GABBR2: variants seen among roughly 807,000 people sequenced by gnomAD.
GABBR2 encodes the protein G-protein coupled receptor 51.
A neutral mutation model predicts 105.6 loss-of-function variants in GABBR2; 23 were observed. That is an observed-to-expected ratio of 0.22 (90% CI 0.16 to 0.31). The LOEUF (loss-of-function observed/expected upper bound fraction) is 0.31. GABBR2 is among the 10% of genes least tolerant of loss of function. The pLI is 1.00. For missense variants in GABBR2, 734 were observed against 1,245.5 expected (o/e 0.59, Z 6.18); for synonymous variants, 478 against 499.7 (o/e 0.96, Z 0.58).
chr9:98,307,353 G>C (rs1221864549), intron 14 of GABBR2, among the ~76,000 whole-genome samples: 1 of 152,140 alleles, frequency 6.6e-6, no homozygotes, highest in African/African-American at 2.4e-5. Flanking sequence ...AGCTCAGGTG[G>C]GTGTAGGGCA....
chr9:98,678,957 T>C (rs937266817), intron 1 of GABBR2, among the ~76,000 whole-genome samples: 7 of 152,238 alleles, frequency 4.6e-5, no homozygotes, highest in African/African-American at 1.4e-4. Context: ...ATCATTTGTA[T>C]GGAAGAGGCT....
At chr9:98,568,669 C>T (rs1828783936) in intron 2 of GABBR2, among the ~76,000 whole-genome samples, 1 of 152,190 alleles carries the variant, frequency 6.6e-6, no homozygotes, top group Non-Finnish European at 1.5e-5. Context: ...CTGGCCTTTG[C>T]AGTGGCCTTC....
chr9:98,328,946 T>G (rs1010412764), intron 13 of GABBR2, among the ~76,000 whole-genome samples: 5 of 152,164 alleles, frequency 3.3e-5, no homozygotes, highest in African/African-American at 1.2e-4. Flanking sequence ...ACAAATGAGG[T>G]GACCTTGTGG....
intron 9 of GABBR2, among the ~76,000 whole-genome samples, chr9:98,389,462 C>A (rs1315964513): frequency 6.6e-6 from 1 of 152,150 alleles, no homozygotes; most frequent in East Asian, 1.9e-4. Context: ...GGACACCTTG[C>A]CTGTTGGTTC....
intron 1 of GABBR2, among the ~76,000 whole-genome samples, chr9:98,665,615 C>T (rs1830323604): frequency 1.3e-5 from 2 of 152,188 alleles, no homozygotes; most frequent in African/African-American, 4.8e-5. Flanking sequence ...CTGAATAGGA[C>T]AATCACAACA....
At chr9:98,297,043 T>C (rs937284608) in intron 17 of GABBR2, among the ~76,000 whole-genome samples, 3 of 152,188 alleles carry the variant, frequency 2.0e-5, no homozygotes, top group Non-Finnish European at 2.9e-5. Context: ...AATATTTTAT[T>C]CATTGGAATT....
At chr9:98,635,020 C>T (rs1829859094) in intron 1 of GABBR2, among the ~76,000 whole-genome samples, 1 of 152,198 alleles carries the variant, frequency 6.6e-6, no homozygotes, top group African/African-American at 2.4e-5. Context: ...GAGAGCTGGC[C>T]TGCTTTCAAC....
At chr9:98,536,509 T>G (rs897850829) in intron 3 of GABBR2, among the ~76,000 whole-genome samples, 2 of 152,026 alleles carry the variant, frequency 1.3e-5, no homozygotes, top group African/African-American at 4.8e-5. Context: ...TCTGCTGTCT[T>G]TCTAGGCATC....
At chr9:98,302,946 G>A (rs990919156) in intron 16 of GABBR2, 5 of 404,098 alleles carry the variant, frequency 1.2e-5, no homozygotes, top group African/African-American at 8.1e-5. Flanking sequence ...AGGAAGCTAT[G>A]ATAATCCAGA....
chr9:98,470,822 C>T (rs1023138810), intron 6 of GABBR2, among the ~76,000 whole-genome samples: 6 of 151,792 alleles, frequency 4.0e-5, no homozygotes, highest in African/African-American at 1.2e-4. Context: ...ATTTTAATTG[C>T]ATTAACATAT....
At chr9:98,362,967 A>C in intron 12 of GABBR2, 130 bp from the exon 13 acceptor site, 1 of 681,102 alleles carries the variant, frequency 1.5e-6, no homozygotes, top group South Asian at 3.4e-5. Context: ...GCGATTCCCC[A>C]TCACCCACAG....
rs562036194 is a variant in GABBR2, at chr9:98,308,778, C to T, written c.2004+2317G>A. On this transcript the variant is annotated intron_variant, in intron 14 of 18. Coordinates refer to ENST00000259455, the MANE Select transcript of GABBR2 (RefSeq NM_005458.8). ...ACAAGTGTCTGTCTGGATTTTGGAC[C>T]TCTGGCCTCCACAACTAGGAAAGAA... Among the ~76,000 whole-genome samples the T allele has an allele frequency of 5.9e-5, 9 of 152,332 alleles. No individual in the cohort carries two copies. The South Asian group carries it at 1.7e-3, about 28-fold the overall frequency.
chr9:98,578,087 A>C lies in GABBR2; in HGVS notation c.322-15T>G. 6.2e-7 allele frequency: 1 copy of C among 1,613,098 alleles called. No individual in the cohort carries two copies. The highest frequency in any genetic ancestry group is 8.5e-7 in the Non-Finnish European group (1 of 1,179,700). ...GCGTTGTCGCACTGGGAAGCAACACATAGAAAGAAAGGTCCAAATTAGAAA... is the reference window on the plus strand; with the variant it reads ...GCGTTGTCGCACTGGGAAGCAACACCTAGAAAGAAAGGTCCAAATTAGAAA... On this transcript the variant is annotated splice_polypyrimidine_tract_variant and intron_variant, in intron 1 of 18. Transcript: ENST00000259455.
At chr9:98,451,532 T>C (rs1180946080) in intron 7 of GABBR2, among the ~76,000 whole-genome samples, 1 of 136,298 alleles carries the variant, frequency 7.3e-6, no homozygotes, top group Admixed American at 7.3e-5. Flanking sequence ...GCCTCCCCAC[T>C]GCCCCCCAGC....
chr9:98,394,652 C>T (rs1012135999), intron 8 of GABBR2, among the ~76,000 whole-genome samples: 2 of 152,204 alleles, frequency 1.3e-5, no homozygotes, highest in African/African-American at 4.8e-5. Flanking sequence ...CTAGGATAGG[C>T]CCAGATACTT....
intron 8 of GABBR2, among the ~76,000 whole-genome samples, chr9:98,395,686 G>A (rs1319714942): frequency 6.6e-6 from 1 of 152,184 alleles, no homozygotes; most frequent in Admixed American, 6.5e-5. Flanking sequence ...ATGCCACAGA[G>A]AGGCTGGGAG....
chr9:98,310,982 A>G (rs919111823), intron 14 of GABBR2, 113 bp downstream of exon 14: 2 of 647,200 alleles, frequency 3.1e-6, no homozygotes. Context: ...CACAGAGAGT[A>G]ACTGCTTAGT....
intron 1 of GABBR2, among the ~76,000 whole-genome samples, chr9:98,684,136 A>G (rs1830588768): frequency 6.7e-6 from 1 of 149,844 alleles, no homozygotes; most frequent in Non-Finnish European, 1.5e-5. Context: ...GATATACAGT[A>G]AAAGGAAAAA....
intron 1 of GABBR2, among the ~76,000 whole-genome samples, chr9:98,642,815 G>C (rs1230978282): frequency 6.6e-6 from 1 of 152,194 alleles, no homozygotes; most frequent in Non-Finnish European, 1.5e-5. Flanking sequence ...GGATCTGTCA[G>C]AAAGATTTGA....
Sources: gnomAD v4.1 joint callset for allele counts (sites outside exome capture counted in the v4.1 genomes callset) on GRCh38, gnomAD v4.1.1 for gene constraint, MANE v1.5 for transcripts, NCBI Gene and HGNC (gene_info 2026-07-23, HGNC 2026-07-21) for gene names.